Variants in TRAF3IP1 observed in about 807,000 individuals in gnomAD.
The protein encoded by TRAF3IP1 is intraflagellar transport 54.
TRAF3IP1 carries 53 observed loss-of-function variants against 89.9 expected under a neutral mutation model. The ratio of observed to expected loss-of-function variants is 0.59; its 90% CI spans 0.47 to 0.74. The LOEUF (loss-of-function observed/expected upper bound fraction) is 0.74, where lower values mean the gene tolerates loss of function less well. TRAF3IP1 is among the 30% of genes least tolerant of loss of function. The probability of loss-of-function intolerance (pLI) is 0.00; values close to 1 mark genes in which losing one functional copy is unlikely to be tolerated. For missense variants in TRAF3IP1, 806 were observed against 866.1 expected, an observed-to-expected ratio of 0.93 and a Z score of 0.87; for synonymous variants, 311 against 322.1, an observed-to-expected ratio of 0.97 and a Z score of 0.37.
rs557030123 is a variant in TRAF3IP1 at position 238,347,904 on chromosome 2, G to C, written c.1282+429G>C. ...GGCCTCCCAAAGTTCTGGGATTACA[G>C]GTGTGAGTTACTGCGCCTGGCCAAC... On this transcript the variant is annotated intron_variant, in intron 10 of 16. Transcript: ENST00000373327. Among the ~76,000 whole-genome samples the C allele has an allele frequency of 5.9e-5, 9 of 152,178 alleles. No homozygotes were observed. The East Asian group carries it at 1.7e-3, about 29-fold the overall frequency.
At chr2:238,349,948 G>A (rs538896416) in intron 12 of TRAF3IP1, among the ~76,000 whole-genome samples, 1 of 152,230 alleles carries the variant, frequency 6.6e-6, no homozygotes, top group African/African-American at 2.4e-5. Context: ...GCGTGTGCCT[G>A]TAGTCCCAGC....
chr2:238,361,792 C>T (rs79766611), intron 15 of TRAF3IP1, among the ~76,000 whole-genome samples: 1 of 149,814 alleles, frequency 6.7e-6, no homozygotes, highest in South Asian at 2.1e-4. Context: ...CCATGAAAAA[C>T]CTTGTTGTGA....
At chr2:238,353,303 G>T (rs1226146332) in intron 14 of TRAF3IP1, 94 bp downstream of exon 14, 30 of 1,400,582 alleles carry the variant, frequency 2.1e-5, no homozygotes, top group Non-Finnish European at 3.0e-5. Flanking sequence ...GCAAGGGACT[G>T]TTGTGTGCCA....
chr2:238,326,646 G>A (rs6737780), intron 3 of TRAF3IP1, among the ~76,000 whole-genome samples: 109,081 of 151,938 alleles, frequency 0.72, 39,343 homozygotes, highest in Middle Eastern at 0.77. Flanking sequence ...CTTCTTTTGA[G>A]GGCCGAGTAG....
chr2:238,353,603 C>T (rs1574930722), intron 14 of TRAF3IP1, among the ~76,000 whole-genome samples: 1 of 152,216 alleles, frequency 6.6e-6, no homozygotes, highest in Admixed American at 6.5e-5. Flanking sequence ...CCGTTCCCCA[C>T]ACCAGGGTTT....
intron 15 of TRAF3IP1, among the ~76,000 whole-genome samples, chr2:238,396,783 C>T (rs1701244160): frequency 6.6e-6 from 1 of 152,140 alleles, no homozygotes; most frequent in Admixed American, 6.5e-5. Flanking sequence ...TCAACTTGAC[C>T]CCTTCCATCT....
At chr2:238,338,305 A>T in intron 7 of TRAF3IP1, 57 bp from the exon 8 acceptor site, 1 of 1,128,678 alleles carries the variant, frequency 8.9e-7, no homozygotes, top group East Asian at 2.6e-5. Flanking sequence ...CAGCTAAAAC[A>T]ACCAAACACA....
At position 238,349,411 on chromosome 2, in the gene TRAF3IP1, A is replaced by G. The variant is rs1699045457; in HGVS notation, c.1451+3A>G. On this transcript the variant is annotated splice_donor_region_variant and intron_variant, in intron 12 of 16. Coordinates refer to ENST00000373327, the MANE Select transcript of TRAF3IP1 (RefSeq NM_015650.4). ...ATGGAGGCGCTACAAATGGATAGGTAAGGCTGGCTCAGCAGGGCAGTTCCA... is the reference window on the plus strand; with the variant it reads ...ATGGAGGCGCTACAAATGGATAGGTGAGGCTGGCTCAGCAGGGCAGTTCCA... 2 of 1,613,680 alleles carry G rather than the reference A, an allele frequency of 1.2e-6. No individual in the cohort carries two copies. The highest frequency in any genetic ancestry group is 1.3e-5 in the African/African-American group (1 of 74,924).
chr2:238,340,382 C>G (rs1223241093), intron 8 of TRAF3IP1, among the ~76,000 whole-genome samples: 1 of 152,196 alleles, frequency 6.6e-6, no homozygotes, highest in East Asian at 1.9e-4. Flanking sequence ...GTTGTCAAAG[C>G]CGGCCTTTGT....
At chr2:238,336,143 T>TA (rs1201823450) in intron 7 of TRAF3IP1, among the ~76,000 whole-genome samples, 1 of 152,184 alleles carries the variant, frequency 6.6e-6, no homozygotes, top group Non-Finnish European at 1.5e-5. Context: ...TTGGCTTTCC[T>TA]AAGCAGACAG....
chr2:238,377,740 G>A (rs1374366402), intron 15 of TRAF3IP1, among the ~76,000 whole-genome samples: 1 of 151,940 alleles, frequency 6.6e-6, no homozygotes, highest in Non-Finnish European at 1.5e-5. Flanking sequence ...GTTTTTATCT[G>A]TTCTGGAAGA....
rs889867006 is a variant in TRAF3IP1, at chr2:238,333,784, T to C, written c.988-176T>C. ...AGTGTGAAAAGGGTTTTGGCCTCCG[T>C]GTAATTCACAGTCTCAGGTCTTGAG... On this transcript the variant is annotated intron_variant, in intron 6 of 16. Coordinates refer to ENST00000373327, the MANE Select transcript of TRAF3IP1 (RefSeq NM_015650.4). Among the ~76,000 whole-genome samples, 60 of 152,222 alleles carry C rather than the reference T, an allele frequency of 3.9e-4. 1 individual carries two copies. Among genetic ancestry groups the C allele is most frequent in the Admixed American group, 2.6e-4 (4 of 15,286 alleles).
At chr2:238,383,394 A>G (rs754970508) in intron 15 of TRAF3IP1, among the ~76,000 whole-genome samples, 64 of 152,236 alleles carry the variant, frequency 4.2e-4, no homozygotes, top group South Asian at 3.3e-3. Flanking sequence ...TGTCCAGCAT[A>G]GGCCTTTGGA....
intron 15 of TRAF3IP1, among the ~76,000 whole-genome samples, chr2:238,359,780 C>G (rs973777269): frequency 6.6e-6 from 1 of 152,196 alleles, no homozygotes; most frequent in Non-Finnish European, 1.5e-5. Flanking sequence ...TCCATGACCC[C>G]TAGCGGATGC....
At chr2:238,388,635 T>G (rs1033144555) in intron 15 of TRAF3IP1, among the ~76,000 whole-genome samples, 34 of 146,780 alleles carry the variant, frequency 2.3e-4, no homozygotes, top group African/African-American at 8.5e-4. Flanking sequence ...TCCTGCTCTG[T>G]TGCCCAGGCT....
intron 9 of TRAF3IP1, among the ~76,000 whole-genome samples, chr2:238,346,442 A>G (rs901290944): frequency 1.3e-5 from 2 of 152,006 alleles, no homozygotes; most frequent in Admixed American, 6.5e-5. Flanking sequence ...GCCCATACTA[A>G]TAGAGTCCTC....
chr2:238,359,848 C>A (rs905889160), intron 15 of TRAF3IP1, among the ~76,000 whole-genome samples: 3 of 151,978 alleles, frequency 2.0e-5, no homozygotes, highest in Admixed American at 1.3e-4. Context: ...TGATACGTTC[C>A]GATGATAAAG....
At chr2:238,363,303 C>T (rs11886388) in intron 15 of TRAF3IP1, among the ~76,000 whole-genome samples, 17,742 of 152,056 alleles carry the variant, frequency 0.12, 1,756 homozygotes, top group African/African-American at 0.27. Flanking sequence ...CATATATTTC[C>T]GATTGCACAG....
intron 12 of TRAF3IP1, among the ~76,000 whole-genome samples, chr2:238,350,832 G>T (rs946447187): frequency 1.3e-5 from 2 of 152,074 alleles, no homozygotes; most frequent in African/African-American, 4.8e-5. Context: ...TACAGGCACT[G>T]GGGGGCACAG....
Sources: allele counts gnomAD v4.1 joint callset (sites outside exome capture counted in the v4.1 genomes callset), GRCh38; gene constraint gnomAD v4.1.1; transcripts MANE v1.5; gene names NCBI Gene and HGNC (gene_info 2026-07-23, HGNC 2026-07-21).